Variants in RYR2 observed in about 807,000 individuals in gnomAD.
The protein encoded by RYR2 is ryanodine receptor 2.
Under a neutral mutation model 601.1 loss-of-function variants are expected in RYR2, and 227 were observed. The observed-to-expected ratio is 0.38, with a 90% confidence interval of 0.34 to 0.42. The LOEUF is 0.42. Ranked by LOEUF, RYR2 falls within the 10% of genes least tolerant of loss-of-function variation. RYR2 has a pLI of 1.00. For missense variants in RYR2, 4,646 were observed against 6,156.5 expected, an observed-to-expected ratio of 0.75 and a Z score of 8.21; for synonymous variants, 2,223 against 2,175.1, an observed-to-expected ratio of 1.02 and a Z score of -0.61.
At chr1:237,515,998 C>CTCT (rs1208509180) in intron 24 of RYR2, among the ~76,000 whole-genome samples, 1 of 145,588 alleles carries the variant, frequency 6.9e-6, no homozygotes, top group Non-Finnish European at 1.5e-5. Flanking sequence ...CTTCTTTTTT[C>CTCT]TCTTCTTCTT....
At chr1:237,529,455 T>C (rs1210081910) in intron 24 of RYR2, among the ~76,000 whole-genome samples, 1 of 152,188 alleles carries the variant, frequency 6.6e-6, no homozygotes, top group Non-Finnish European at 1.5e-5. Flanking sequence ...CTTATACATA[T>C]AGATACTTGT....
intron 1 of RYR2, among the ~76,000 whole-genome samples, chr1:237,161,257 T>C (rs1335464129): frequency 6.6e-6 from 1 of 152,190 alleles, no homozygotes; most frequent in Non-Finnish European, 1.5e-5. Flanking sequence ...AAGCACTCTT[T>C]TCTAATGATA....
chr1:237,823,343 T>C (rs1413040158), intron 101 of RYR2, among the ~76,000 whole-genome samples: 1 of 152,166 alleles, frequency 6.6e-6, no homozygotes, highest in Admixed American at 6.5e-5. Flanking sequence ...CAGACCACAG[T>C]GCAATCAAAT....
chr1:237,186,882 CTGCAG>C (rs1427727895), intron 1 of RYR2, among the ~76,000 whole-genome samples: 2 of 152,236 alleles, frequency 1.3e-5, no homozygotes, highest in Admixed American at 6.5e-5. Context: ...GCTGCGGAGG[CTGCAG>C]CCCGCATTGA....
At chr1:237,624,747 G>T (rs1679460952) in intron 39 of RYR2, among the ~76,000 whole-genome samples, 1 of 152,130 alleles carries the variant, frequency 6.6e-6, no homozygotes, top group Non-Finnish European at 1.5e-5. Flanking sequence ...CTGGACGTGT[G>T]TGTGTTTTTA....
intron 86 of RYR2, 127 bp downstream of exon 86, chr1:237,772,227 A>G (rs1041345841): frequency 7.7e-6 from 4 of 517,654 alleles, no homozygotes; most frequent in African/African-American, 5.9e-5. Context: ...TCTGATCACA[A>G]TCTCTCAGCA....
At chr1:237,337,946 A>T (rs999263020) in intron 3 of RYR2, among the ~76,000 whole-genome samples, 2 of 152,156 alleles carry the variant, frequency 1.3e-5, no homozygotes, top group Admixed American at 6.5e-5. Context: ...CATTGGCTAA[A>T]ATCAGGGTGT....
chr1:237,582,436 AT>A (rs1674025960), intron 29 of RYR2, among the ~76,000 whole-genome samples: 2 of 151,356 alleles, frequency 1.3e-5, no homozygotes, highest in Non-Finnish European at 1.5e-5. Flanking sequence ...AAAAAAAAAA[AT>A]CAACTTTGAT....
At chr1:237,359,518 G>A (rs1265070418) in intron 4 of RYR2, among the ~76,000 whole-genome samples, 1 of 151,990 alleles carries the variant, frequency 6.6e-6, no homozygotes, top group African/African-American at 2.4e-5. Context: ...AAGACCTTTG[G>A]GAGCCTTACA....
intron 2 of RYR2, among the ~76,000 whole-genome samples, chr1:237,316,809 TA>T (rs760564099): frequency 2.0e-5 from 3 of 152,194 alleles, no homozygotes; most frequent in Non-Finnish European, 4.4e-5. Flanking sequence ...CTGGGACTAT[TA>T]TTATAAGAGA....
At chr1:237,504,950 G>C (rs1665063479) in intron 22 of RYR2, among the ~76,000 whole-genome samples, 1 of 152,192 alleles carries the variant, frequency 6.6e-6, no homozygotes, top group African/African-American at 2.4e-5. Flanking sequence ...ACTCCTATGA[G>C]ACTCTAAGGA....
At chr1:237,746,287 G>A (rs1573779236) in intron 80 of RYR2, among the ~76,000 whole-genome samples, 2 of 152,192 alleles carry the variant, frequency 1.3e-5, no homozygotes, top group East Asian at 3.9e-4. Context: ...AATAAATTTG[G>A]AAATAACATA....
chr1:237,112,698 T>C (rs1170140361), intron 1 of RYR2, among the ~76,000 whole-genome samples: 5 of 152,274 alleles, frequency 3.3e-5, no homozygotes, highest in East Asian at 3.9e-4. Flanking sequence ...GTAATAATTA[T>C]GGTTTTATGT....
At chr1:237,326,127 T>G (rs530386423) in intron 2 of RYR2, among the ~76,000 whole-genome samples, 1 of 152,158 alleles carries the variant, frequency 6.6e-6, no homozygotes, top group Admixed American at 6.5e-5. Context: ...ATGGATACTT[T>G]GGTTGGAAAC....
chr1:237,646,661 T>C (rs1682192334), intron 48 of RYR2, among the ~76,000 whole-genome samples: 1 of 152,122 alleles, frequency 6.6e-6, no homozygotes, highest in Admixed American at 6.5e-5. Flanking sequence ...CAAGCTAGAG[T>C]ATGCCTCAGA....
At chr1:237,780,092 C>T (rs766221175) in intron 88 of RYR2, among the ~76,000 whole-genome samples, 1 of 152,098 alleles carries the variant, frequency 6.6e-6, no homozygotes, top group African/African-American at 2.4e-5. Context: ...GGGCTGGGAT[C>T]ATCCTTGACA....
chr1:237,043,041 C>G (rs974636784), intron 1 of RYR2, among the ~76,000 whole-genome samples: 7 of 152,182 alleles, frequency 4.6e-5, no homozygotes, highest in Non-Finnish European at 7.3e-5. Context: ...CTTGGGCTTT[C>G]GGGCTGGACC....
chr1:237,495,005 G>A (rs1286673224), intron 19 of RYR2, among the ~76,000 whole-genome samples: 1 of 152,200 alleles, frequency 6.6e-6, no homozygotes, highest in African/African-American at 2.4e-5. Flanking sequence ...TGGCCAGCCT[G>A]GTCTCGAACT....
chr1:237,716,379 CTA>C (rs1226981439), intron 71 of RYR2, among the ~76,000 whole-genome samples: 2 of 137,892 alleles, frequency 1.5e-5, no homozygotes, highest in Non-Finnish European at 2.9e-5. Flanking sequence ...TATCACGAAA[CTA>C]TGTTGTAACT....
Sources: allele counts gnomAD v4.1 joint callset (sites outside exome capture counted in the v4.1 genomes callset), GRCh38; gene constraint gnomAD v4.1.1; transcripts MANE v1.5; gene names NCBI Gene and HGNC (gene_info 2026-07-23, HGNC 2026-07-21).